The following FBXO28 variants were observed in gnomAD, a reference collection of about 807,000 sequenced individuals.
FBXO28 encodes F-box only protein 28.
Under a neutral mutation model 38.1 loss-of-function variants are expected in FBXO28, and 8 were observed. The observed-to-expected ratio is 0.21, with a 90% CI of 0.12 to 0.38. The LOEUF (loss-of-function observed/expected upper bound fraction) is 0.38. FBXO28 is among the 10% of genes least tolerant of loss of function. FBXO28 has a pLI of 1.00. For missense variants in FBXO28, 345 were observed against 460.6 expected, an observed-to-expected ratio of 0.75 and a Z score of 2.30; for synonymous variants, 168 against 173.8, an observed-to-expected ratio of 0.97 and a Z score of 0.26.
At chr1:224,126,855 C>CA (rs1252031807) in intron 1 of FBXO28, among the ~76,000 whole-genome samples, 2 of 152,110 alleles carry the variant, frequency 1.3e-5, no homozygotes, top group African/African-American at 4.8e-5. Flanking sequence ...GTTTTAATAA[C>CA]AAAACATAGT....
chr1:224,118,899 A>G (rs1460019446), intron 1 of FBXO28, among the ~76,000 whole-genome samples: 2 of 152,212 alleles, frequency 1.3e-5, no homozygotes, highest in East Asian at 3.8e-4. Context: ...TGTCAGAACA[A>G]TAATGTCAGC....
chr1:224,138,446 A>G (rs906362414), intron 3 of FBXO28, among the ~76,000 whole-genome samples: 4 of 151,900 alleles, frequency 2.6e-5, no homozygotes, highest in African/African-American at 7.3e-5. Context: ...AAAACCAGGC[A>G]TAGGCTAAAT....
chr1:224,137,524 CAAAAAAA>C (rs1199237530), intron 3 of FBXO28, among the ~76,000 whole-genome samples: 1 of 145,176 alleles, frequency 6.9e-6, no homozygotes, highest in Non-Finnish European at 1.5e-5. Flanking sequence ...TCTGTCTCAG[CAAAAAAA>C]AAGAAAAAAG....
At chr1:224,144,528 GGT>G (rs1657451218) in intron 3 of FBXO28, among the ~76,000 whole-genome samples, 1 of 152,090 alleles carries the variant, frequency 6.6e-6, no homozygotes, top group African/African-American at 2.4e-5. Context: ...GGGAGGCGGA[GGT>G]GTGTGGATCA....
chr1:224,134,250 C>T, intron 3 of FBXO28, 38 bp downstream of exon 3: 1 of 1,593,058 alleles, frequency 6.3e-7, no homozygotes, highest in Non-Finnish European at 8.5e-7. Flanking sequence ...GCTGGACTGC[C>T]CTACATAAAC....
rs1657831884 is a variant in FBXO28, at chr1:224,158,890, TA to T, written c.*1146del. Reference sequence around the variant, plus strand: ...GAGGATGACCTTGAGGGAAGCTTTTTAATATTAGTTTCAAGCTTTCCTTACC... The same window carrying T: ...GAGGATGACCTTGAGGGAAGCTTTTTATATTAGTTTCAAGCTTTCCTTACC... On this transcript the variant is annotated 3_prime_UTR_variant, in exon 5 of 5. Coordinates refer to ENST00000366862, the MANE Select transcript of FBXO28 (RefSeq NM_015176.4). The T allele has an allele frequency of 6.6e-6, 1 of 152,642 alleles. No individual in the cohort carries two copies. The highest frequency in any genetic ancestry group is 1.5e-5 in the Non-Finnish European group (1 of 68,036). The allele number at this position is 152,642 out of a possible 1,614,324, so 9.5% of individuals were successfully genotyped here. A position where few individuals can be genotyped will look rare whatever the true frequency, so the allele number is the denominator to read the frequency against.
At chr1:224,129,546 C>G (rs1432371060) in intron 1 of FBXO28, among the ~76,000 whole-genome samples, 2 of 152,112 alleles carry the variant, frequency 1.3e-5, no homozygotes, top group African/African-American at 4.8e-5. Flanking sequence ...ATTAAAAAAC[C>G]TTTAAATGTA....
intron 1 of FBXO28, among the ~76,000 whole-genome samples, chr1:224,115,438 C>T (rs1656622699): frequency 6.6e-6 from 1 of 152,174 alleles, no homozygotes; most frequent in South Asian, 2.1e-4. Flanking sequence ...CTTCTTATTA[C>T]TCAATATGCT....
At chr1:224,147,481 A>G (rs1030742149) in intron 3 of FBXO28, among the ~76,000 whole-genome samples, 7 of 152,128 alleles carry the variant, frequency 4.6e-5, no homozygotes, top group African/African-American at 1.4e-4. Flanking sequence ...TAAAATATGA[A>G]TTTTAAAATA....
intron 1 of FBXO28, among the ~76,000 whole-genome samples, chr1:224,129,493 GGATACATTTCTGACT>G (rs1322002534): frequency 7.2e-5 from 11 of 152,226 alleles, no homozygotes; most frequent in South Asian, 4.2e-4. Flanking sequence ...AGACTCAAAT[GGATACATTTCTGACT>G]AAAAAAGAAT....
chr1:224,125,020 C>T (rs906979768), intron 1 of FBXO28, among the ~76,000 whole-genome samples: 3 of 152,276 alleles, frequency 2.0e-5, no homozygotes, highest in Non-Finnish European at 2.9e-5. Flanking sequence ...GTTGGTTAGT[C>T]AGTGCTTCTT....
chr1:224,115,852 T>C (rs1656632138), intron 1 of FBXO28, among the ~76,000 whole-genome samples: 2 of 152,330 alleles, frequency 1.3e-5, no homozygotes, highest in South Asian at 4.1e-4. Flanking sequence ...TTCACAGTTC[T>C]GTTTTGTAAG....
intron 3 of FBXO28, among the ~76,000 whole-genome samples, chr1:224,149,702 A>G (rs570978862): frequency 6.6e-6 from 1 of 152,294 alleles, no homozygotes; most frequent in East Asian, 1.9e-4. Context: ...ACTACATTAT[A>G]TGGAAGATAG....
At chr1:224,138,865 T>TC (rs1657263324) in intron 3 of FBXO28, among the ~76,000 whole-genome samples, 2 of 151,734 alleles carry the variant, frequency 1.3e-5, no homozygotes, top group Middle Eastern at 3.2e-3. Context: ...TACTGCAACC[T>TC]CCGCCTCCTG....
intron 1 of FBXO28, among the ~76,000 whole-genome samples, chr1:224,119,749 A>C (rs773952654): frequency 1.3e-5 from 2 of 152,196 alleles, no homozygotes; most frequent in African/African-American, 2.4e-5. Flanking sequence ...TATCCAGTTA[A>C]TAAAGGTAGA....
chr1:224,128,849 G>T lies in FBXO28; in HGVS notation c.268-1623G>T, dbSNP rs867401168. Among the ~76,000 whole-genome samples, 92 of 151,974 alleles carry T rather than the reference G, an allele frequency of 6.1e-4. 1 individual carries two copies. Among genetic ancestry groups the T allele is most frequent in the Admixed American group, 3.7e-3 (56 of 15,238 alleles). Reference sequence around the variant, plus strand: ...TTTTTTTTAAAAATTAGCTGCGCGGGGTGGTGCATACCTGTTGTCTCAGCT... The same window carrying T: ...TTTTTTTTAAAAATTAGCTGCGCGGTGTGGTGCATACCTGTTGTCTCAGCT... On this transcript the variant is annotated intron_variant, in intron 1 of 4. Coordinates refer to ENST00000366862, the MANE Select transcript of FBXO28 (RefSeq NM_015176.4).
chr1:224,117,862 A>T (rs190045193), intron 1 of FBXO28, among the ~76,000 whole-genome samples: 2 of 151,926 alleles, frequency 1.3e-5, no homozygotes, highest in Non-Finnish European at 2.9e-5. Context: ...ATAAAAAATT[A>T]GCCAGGCGTG....
At chr1:224,128,493 T>C (rs1230524638) in intron 1 of FBXO28, among the ~76,000 whole-genome samples, 1 of 152,178 alleles carries the variant, frequency 6.6e-6, no homozygotes, top group Non-Finnish European at 1.5e-5. Context: ...AACAATTTTA[T>C]ATAGCACTTT....
chr1:224,119,810 G>A (rs1656731866), intron 1 of FBXO28, among the ~76,000 whole-genome samples: 1 of 152,148 alleles, frequency 6.6e-6, no homozygotes, highest in Admixed American at 6.6e-5. Flanking sequence ...GAAGTGATTG[G>A]AGAAGAATGA....
Sources: allele counts gnomAD v4.1 joint callset (sites outside exome capture counted in the v4.1 genomes callset), GRCh38; gene constraint gnomAD v4.1.1; transcripts MANE v1.5; gene names NCBI Gene and HGNC (gene_info 2026-07-23, HGNC 2026-07-21).